ARHGEF4: variants seen among roughly 807,000 people sequenced by gnomAD.
ARHGEF4 encodes APC-stimulated guanine nucleotide exchange factor 1.
In ARHGEF4, 119 loss-of-function variants were observed where a neutral mutation model predicts 162.0. The ratio of observed to expected loss-of-function variants is 0.73; its 90% CI spans 0.63 to 0.86. The LOEUF (loss-of-function observed/expected upper bound fraction) is 0.86. Among genes scored for constraint, ARHGEF4 ranks in the 40% least tolerant of loss-of-function variants. The probability of loss-of-function intolerance (pLI) is 0.00; values close to 1 mark genes in which losing one functional copy is unlikely to be tolerated. For missense variants in ARHGEF4, 2,488 were observed against 2,456.0 expected, an observed-to-expected ratio of 1.01 and a Z score of -0.28; for synonymous variants, 1,014 against 979.9, an observed-to-expected ratio of 1.03 and a Z score of -0.65.
chr2:130,969,308 C>G (rs1279569647), intron 4 of ARHGEF4, among the ~76,000 whole-genome samples: 1 of 152,112 alleles, frequency 6.6e-6, no homozygotes, highest in African/African-American at 2.4e-5. Flanking sequence ...GTCAAAAAAT[C>G]ATATGTCAGC....
Position 130,915,016 on chromosome 2 carries a change from T to G in ARHGEF4, c.1070T>G (p.Val357Gly). Residue 357 changes from valine (V) to glycine (G), a missense_variant, in exon 2 of 14, where the codon GTG (valine) becomes GGG (glycine). Physicochemically the swap from Val to Gly is moderately radical, Grantham distance 109. This residue lies in a region of ARHGEF4 where 1,642 missense variants were observed against 1,481.5 expected (regional missense o/e 1.11). Coordinates refer to ENST00000409359, the MANE Select transcript of ARHGEF4 (RefSeq NM_001367493.1). Reference sequence around the variant, plus strand: ...GAGGATCCCGTGGGACAGAATGTTGTGAAGTCTGGGACCCATGTGAAGGAA... The same window carrying G: ...GAGGATCCCGTGGGACAGAATGTTGGGAAGTCTGGGACCCATGTGAAGGAA... ...CPEDPVGQNV[V>G]KSGTHVKEGA... 6.4e-7 allele frequency: 1 copy of G among 1,550,604 alleles called. No homozygotes were observed. The highest frequency in any genetic ancestry group is 1.4e-5 in the African/African-American group (1 of 73,140).
chr2:130,931,373 T>G, intron 3 of ARHGEF4, 116 bp downstream of exon 3: 1 of 1,149,724 alleles, frequency 8.7e-7, no homozygotes, highest in Non-Finnish European at 1.2e-6. Flanking sequence ...CTTGTCACCC[T>G]GGGCCCCCTT....
chr2:130,915,440 G>A lies in ARHGEF4; in HGVS notation c.1494G>A (p.Gln498=), dbSNP rs1228946325. 1.3e-6 allele frequency: 2 copies of A among 1,550,456 alleles called. No homozygotes were observed. The highest frequency in any genetic ancestry group is 3.9e-5 in the Admixed American group (2 of 50,978). ...TQKHLWGISV[Q]AGNQTSNYTS... The stretch of plus-strand genomic sequence containing the variant: ...AGCACCTCTGGGGCATTTCTGTCCA[G>A]GCAGGAAACCAAACCAGTAATTACA... Residue 498 remains glutamine, a synonymous_variant, in exon 2 of 14, where the codon CAG becomes CAA. Coordinates refer to ENST00000409359, the MANE Select transcript of ARHGEF4 (RefSeq NM_001367493.1).
At chr2:131,030,577 G>T (rs1336935123) in intron 5 of ARHGEF4, among the ~76,000 whole-genome samples, 1 of 152,232 alleles carries the variant, frequency 6.6e-6, no homozygotes, top group African/African-American at 2.4e-5. Context: ...CTGCGATGCT[G>T]CAGGCTGGTG....
intron 3 of ARHGEF4, among the ~76,000 whole-genome samples, chr2:130,935,523 C>T (rs1380850881): frequency 2.6e-5 from 4 of 152,166 alleles, no homozygotes; most frequent in African/African-American, 9.7e-5. Flanking sequence ...AGAAAGTTCC[C>T]TCTCAGCATA....
intron 1 of ARHGEF4, among the ~76,000 whole-genome samples, chr2:130,907,464 A>G (rs1437030909): frequency 6.6e-6 from 1 of 150,616 alleles, no homozygotes; most frequent in Non-Finnish European, 1.5e-5. Context: ...TGATCCGCCC[A>G]CCTCAGCGTC....
Position 131,039,050 on chromosome 2 carries a change from A to T in ARHGEF4, c.4305+18A>T. 1 of 1,592,908 alleles carries T rather than the reference A, an allele frequency of 6.3e-7. No homozygotes were observed. The highest frequency in any genetic ancestry group is 8.6e-7 in the Non-Finnish European group (1 of 1,169,486). ...TCGTTCGGGTATGGTTCCAAGCCCC[A>T]GCTTCTCCCAAGTTGGGCCCATAAA... On this transcript the variant is annotated intron_variant, in intron 6 of 13. Transcript: ENST00000409359.
intron 1 of ARHGEF4, among the ~76,000 whole-genome samples, chr2:130,897,815 A>G (rs1327189881): frequency 1.3e-5 from 2 of 152,214 alleles, no homozygotes; most frequent in African/African-American, 4.8e-5. Context: ...TTTCTAAAAT[A>G]CCATGTTGCT....
At chr2:131,006,221 A>G (rs1688102847) in intron 4 of ARHGEF4, among the ~76,000 whole-genome samples, 1 of 152,200 alleles carries the variant, frequency 6.6e-6, no homozygotes, top group Non-Finnish European at 1.5e-5. Flanking sequence ...GAGTTGATTC[A>G]GCCGCAGAGC....
At chr2:131,023,018 A>T (rs374987215) in intron 4 of ARHGEF4, among the ~76,000 whole-genome samples, 31 of 135,148 alleles carry the variant, frequency 2.3e-4, no homozygotes, top group African/African-American at 8.0e-4. Context: ...AGGTGGGAGG[A>T]TCACTTGAGC....
intron 12 of ARHGEF4, among the ~76,000 whole-genome samples, chr2:131,044,771 C>G (rs540318560): frequency 6.6e-6 from 1 of 152,380 alleles, no homozygotes; most frequent in South Asian, 2.1e-4. Flanking sequence ...AGAGTTCAGC[C>G]CCAAGGCATG....
chr2:131,033,441 G>T (rs1046442025), intron 5 of ARHGEF4, among the ~76,000 whole-genome samples: 1 of 152,204 alleles, frequency 6.6e-6, no homozygotes, highest in African/African-American at 2.4e-5. Flanking sequence ...GCAGGCTGCT[G>T]TAGACCCTCC....
intron 1 of ARHGEF4, among the ~76,000 whole-genome samples, chr2:130,841,371 CT>C (rs35533760): frequency 0.018 from 2,374 of 132,876 alleles, 20 homozygotes; most frequent in African/African-American, 0.028. Context: ...GCCTAGAAAG[CT>C]TTTTTTTTTT....
At chr2:130,877,384 T>A (rs1014100769) in intron 1 of ARHGEF4, among the ~76,000 whole-genome samples, 6 of 152,228 alleles carry the variant, frequency 3.9e-5, no homozygotes, top group African/African-American at 7.2e-5. Flanking sequence ...AATTCACACA[T>A]GCATTGCTTC....
At chr2:130,928,295 C>G (rs1203779677) in intron 2 of ARHGEF4, among the ~76,000 whole-genome samples, 1 of 152,164 alleles carries the variant, frequency 6.6e-6, no homozygotes, top group Non-Finnish European at 1.5e-5. Context: ...GCGGTATCCT[C>G]CAGTCATTTA....
chr2:131,044,603 T>TGGCCGCCTGCCG (rs1691091663), intron 12 of ARHGEF4, 61 bp downstream of exon 12: 2 of 1,516,798 alleles, frequency 1.3e-6, no homozygotes, highest in Admixed American at 4.1e-5. Flanking sequence ...CCCGCCTGCC[T>TGGCCGCCTGCCG]GGCCGCCTGC....
At chr2:130,872,923 C>T (rs1038557990) in intron 1 of ARHGEF4, among the ~76,000 whole-genome samples, 2 of 152,202 alleles carry the variant, frequency 1.3e-5, no homozygotes, top group African/African-American at 4.8e-5. Flanking sequence ...ATGCCTGCAC[C>T]ATCCACATGC....
rs1691316906 is a variant in ARHGEF4, at chr2:131,047,030, A to AGAC, written c.*842_*844dup. 1 of 152,552 alleles carries AGAC rather than the reference A, an allele frequency of 6.6e-6. No homozygotes were observed. Among genetic ancestry groups the AGAC allele is most frequent in the African/African-American group, 2.4e-5 (1 of 41,466 alleles). 9.4% of individuals were successfully genotyped at this position (152,552 alleles called of 1,614,324 possible). A position where few individuals can be genotyped will look rare whatever the true frequency, so the allele number is the denominator to read the frequency against. On this transcript the variant is annotated 3_prime_UTR_variant, in exon 14 of 14. Coordinates refer to ENST00000409359, the MANE Select transcript of ARHGEF4 (RefSeq NM_001367493.1). ...GTGAGCGTGAGAAGCCATAAGAGAGAGACCGAATTCTGTGGCTCAGCACAC... is the reference window on the plus strand; with the variant it reads ...GTGAGCGTGAGAAGCCATAAGAGAGAGACGACCGAATTCTGTGGCTCAGCACAC...
At position 130,864,143 on chromosome 2, in the gene ARHGEF4, A is replaced by G. The variant is rs571639827; in HGVS notation, c.39+27151A>G. Reference sequence around the variant, plus strand: ...GGAGCTTGCAGTGAGCCGAGATTGCACCACTGCTCTCCAGCCTGGGCGACA... The same window carrying G: ...GGAGCTTGCAGTGAGCCGAGATTGCGCCACTGCTCTCCAGCCTGGGCGACA... On this transcript the variant is annotated intron_variant, in intron 1 of 13. Transcript: ENST00000409359. 8.3e-4 allele frequency among the ~76,000 whole-genome samples: 126 copies of G among 151,772 alleles called. No homozygotes were observed. The South Asian group carries it at 0.015, about 18-fold the overall frequency.
Sources: gnomAD v4.1 joint callset for allele counts (sites outside exome capture counted in the v4.1 genomes callset) on GRCh38, gnomAD v4.1.1 for gene constraint, gnomAD v4.1.1 regional missense constraint, MANE v1.5 for transcripts, NCBI Gene and HGNC (gene_info 2026-07-23, HGNC 2026-07-21) for gene names.